Variants in SMAD2 observed in about 807,000 individuals in gnomAD.
The protein encoded by SMAD2 is SMAD family member 2, also known as MAD homolog 2.
SMAD2 carries 8 observed loss-of-function variants against 64.4 expected under a neutral mutation model. The observed-to-expected ratio is 0.12, with a 90% CI of 0.07 to 0.22. SMAD2 has a LOEUF of 0.22. Ranked by LOEUF, SMAD2 falls within the 10% of genes least tolerant of loss-of-function variation. The pLI is 1.00. For synonymous variants in SMAD2, 203 were observed against 195.8 expected (o/e 1.04, Z -0.31); for missense variants, 289 against 561.2 (o/e 0.51, Z 4.90).
intron 10 of SMAD2, among the ~76,000 whole-genome samples, chr18:47,843,306 G>A (rs1914154151): frequency 6.6e-6 from 1 of 152,108 alleles, no homozygotes; most frequent in South Asian, 2.1e-4. Flanking sequence ...CTGTTTCCTA[G>A]AGTTTCCCCA....
At position 47,838,999 on chromosome 18, in the gene SMAD2, C is replaced by T. The variant is rs1913688354; in HGVS notation, c.*2828G>A. The T allele has an allele frequency of 4.5e-6, 1 of 220,626 alleles. No homozygotes were observed. The highest frequency in any genetic ancestry group is 2.4e-5 in the African/African-American group (1 of 41,160). The allele number at this position is 220,626 out of a possible 1,614,324, so 13.7% of individuals were successfully genotyped here. On this transcript the variant is annotated 3_prime_UTR_variant, in exon 11 of 11. Coordinates refer to ENST00000262160, the MANE Select transcript of SMAD2 (RefSeq NM_005901.6). ...TCACTTAGAAAAATGAAAACCACACCTATAAATGGGGGGAGGGGCAGAAAA... is the reference window on the plus strand; with the variant it reads ...TCACTTAGAAAAATGAAAACCACACTTATAAATGGGGGGAGGGGCAGAAAA...
In SMAD2 at chr18:47,826,838, G is replaced by A. The variant is rs933859426; in HGVS notation, c.*14989C>T. 2.6e-5 allele frequency: 4 copies of A among 152,222 alleles called. No individual in the cohort carries two copies. The highest frequency in any genetic ancestry group is 7.2e-5 in the African/African-American group (3 of 41,454). The allele number at this position is 152,222 out of a possible 1,614,324, so 9.4% of individuals were successfully genotyped here. A position where few individuals can be genotyped will look rare whatever the true frequency, so the allele number is the denominator to read the frequency against. On this transcript the variant is annotated 3_prime_UTR_variant, in exon 11 of 11. Transcript: ENST00000262160. ...ACCTTTGCCTGGTATTCTAGACTGTGCAGATTTAGCCATCTAATACTGAGT... is the reference window on the plus strand; with the variant it reads ...ACCTTTGCCTGGTATTCTAGACTGTACAGATTTAGCCATCTAATACTGAGT...
chr18:47,919,783 T>C (rs749297468), intron 1 of SMAD2, among the ~76,000 whole-genome samples: 3 of 152,034 alleles, frequency 2.0e-5, no homozygotes, highest in Non-Finnish European at 4.4e-5. Flanking sequence ...AAGAACAGCT[T>C]TGTACCACTC....
At chr18:47,854,636 C>G (rs532655216) in intron 6 of SMAD2, among the ~76,000 whole-genome samples, 60 of 104,494 alleles carry the variant, frequency 5.7e-4, no homozygotes, top group African/African-American at 2.1e-3. Flanking sequence ...AAATATTCAC[C>G]CAGGTTTTTT....
rs2031513285 is a variant in SMAD2 at position 47,865,830 on chromosome 18, A to T, written c.656-697T>A. Among the ~76,000 whole-genome samples the T allele has an allele frequency of 2.0e-5, 3 of 152,208 alleles. No homozygotes were observed. In the South Asian group the frequency reaches 6.2e-4, roughly 31 times the overall value. On this transcript the variant is annotated intron_variant, in intron 5 of 10. Transcript: ENST00000262160. ...TTCCAACATGTTGTCTGAATAAAAC[A>T]CTTATGTTCAGAAAGGTATCTGAAT...
At chr18:47,892,198 ATT>A (rs35136920) in intron 2 of SMAD2, among the ~76,000 whole-genome samples, 120 of 142,370 alleles carry the variant, frequency 8.4e-4, no homozygotes, top group African/African-American at 2.5e-3. Context: ...TTACCTAGAC[ATT>A]TTTTTTTTTT....
At chr18:47,842,826 A>G (rs1032660269) in intron 10 of SMAD2, among the ~76,000 whole-genome samples, 1 of 152,188 alleles carries the variant, frequency 6.6e-6, no homozygotes, top group Non-Finnish European at 1.5e-5. Flanking sequence ...GTGCTTCAAC[A>G]AAAGGGGCAA....
rs774583272 is a variant in SMAD2 at position 47,896,787 on chromosome 18, GA to G, written c.-32del. 6 of 1,607,542 alleles carry G rather than the reference GA, an allele frequency of 3.7e-6. No homozygotes were observed. Among genetic ancestry groups the G allele is most frequent in the African/African-American group, 2.7e-5 (2 of 74,750 alleles). On this transcript the variant is annotated 5_prime_UTR_variant, in exon 2 of 11. Coordinates refer to ENST00000262160, the MANE Select transcript of SMAD2 (RefSeq NM_005901.6). Reference sequence around the variant, plus strand: ...TACCAAAGGCAGCAAGCCACGCTAGGAAAACAGCCTCTTGTATCGAACCTAG... The same window carrying G: ...TACCAAAGGCAGCAAGCCACGCTAGGAAACAGCCTCTTGTATCGAACCTAG...
intron 6 of SMAD2, among the ~76,000 whole-genome samples, chr18:47,859,136 G>A (rs2030963167): frequency 6.6e-6 from 1 of 152,052 alleles, no homozygotes; most frequent in Admixed American, 6.5e-5. Flanking sequence ...AAATTAATTT[G>A]GAAGATGTAT....
At chr18:47,891,200 G>A (rs906127307) in intron 2 of SMAD2, among the ~76,000 whole-genome samples, 4 of 152,208 alleles carry the variant, frequency 2.6e-5, no homozygotes, top group Non-Finnish European at 5.9e-5. Context: ...AGCTACTTGG[G>A]AGGCTGAGGC....
intron 1 of SMAD2, among the ~76,000 whole-genome samples, chr18:47,900,666 G>T (rs969563004): frequency 2.6e-5 from 4 of 151,866 alleles, no homozygotes; most frequent in African/African-American, 9.7e-5. Context: ...CTTTAGGTTT[G>T]ATTTCCTATT....
intron 7 of SMAD2, among the ~76,000 whole-genome samples, chr18:47,851,065 A>G (rs1270835685): frequency 1.3e-5 from 2 of 150,536 alleles, no homozygotes; most frequent in Admixed American, 6.7e-5. Context: ...CCTATTTCTT[A>G]TATGTGCCAG....
chr18:47,902,297 C>T (rs746196147), intron 1 of SMAD2, among the ~76,000 whole-genome samples: 1 of 152,108 alleles, frequency 6.6e-6, no homozygotes, highest in Non-Finnish European at 1.5e-5. Context: ...TGTTCTCTAT[C>T]GCTAAATATA....
At chr18:47,885,257 C>T (rs1267177599) in intron 2 of SMAD2, among the ~76,000 whole-genome samples, 2 of 151,712 alleles carry the variant, frequency 1.3e-5, no homozygotes, top group Admixed American at 1.3e-4. Flanking sequence ...CTCACTGCAA[C>T]CTCCGCCTCC....
chr18:47,825,284 T>C lies in SMAD2; in HGVS notation c.*16543A>G, dbSNP rs1376556153. 1 of 152,218 alleles carries C rather than the reference T, an allele frequency of 6.6e-6. No individual in the cohort carries two copies. The highest frequency in any genetic ancestry group is 1.5e-5 in the Non-Finnish European group (1 of 68,044). The allele number at this position is 152,218 out of a possible 1,614,324, so 9.4% of individuals were successfully genotyped here. ...CCCTCAAATGTATGATGAGATTTTA[T>C]CTTCATTGTGGTGGTGTTGAGAGCT... On this transcript the variant is annotated 3_prime_UTR_variant, in exon 11 of 11. Transcript: ENST00000262160.
chr18:47,915,775 C>T (rs923657197), intron 1 of SMAD2, among the ~76,000 whole-genome samples: 2 of 152,158 alleles, frequency 1.3e-5, no homozygotes, highest in African/African-American at 2.4e-5. Flanking sequence ...ACAACATTTC[C>T]AGCACCTCAG....
intron 10 of SMAD2, 64 bp from the exon 11 acceptor site, chr18:47,842,014 T>G: frequency 1.3e-6 from 2 of 1,558,750 alleles, no homozygotes; most frequent in Non-Finnish European, 1.8e-6. Flanking sequence ...AAAATGGCTA[T>G]GTTTAGGTAC....
intron 1 of SMAD2, among the ~76,000 whole-genome samples, chr18:47,928,585 AAAC>A (rs1286424752): frequency 2.0e-5 from 3 of 152,300 alleles, no homozygotes; most frequent in South Asian, 2.1e-4. Flanking sequence ...GATAAGACAC[AAAC>A]AACAGGAAAT....
rs1459713338 is a variant in SMAD2 at position 47,816,104 on chromosome 18, C to A, written c.*25723G>T. On this transcript the variant is annotated 3_prime_UTR_variant, in exon 11 of 11. Coordinates refer to ENST00000262160, the MANE Select transcript of SMAD2 (RefSeq NM_005901.6). The stretch of plus-strand genomic sequence containing the variant: ...ATACCTCATGTCTTGGCTTCTAGAG[C>A]CCGGAGATAAGATCAGCTTCCCTTG... 1.3e-5 allele frequency: 2 copies of A among 152,134 alleles called. No individual in the cohort carries two copies. The highest frequency in any genetic ancestry group is 2.9e-5 in the Non-Finnish European group (2 of 68,036). The allele number at this position is 152,134 out of a possible 1,614,324, so 9.4% of individuals were successfully genotyped here.
Sources: gnomAD v4.1 joint callset for allele counts (sites outside exome capture counted in the v4.1 genomes callset) on GRCh38, gnomAD v4.1.1 for gene constraint, MANE v1.5 for transcripts, NCBI Gene and HGNC (gene_info 2026-07-23, HGNC 2026-07-21) for gene names.